NFASC: variants seen among roughly 807,000 people sequenced by gnomAD.
NFASC encodes the protein neurofascin, also known as neurofascin homolog.
A neutral mutation model predicts 147.5 loss-of-function variants in NFASC; 43 were observed. That is an observed-to-expected ratio of 0.29 (90% CI 0.23 to 0.38). The LOEUF (loss-of-function observed/expected upper bound fraction) is 0.38. NFASC is among the 10% of genes least tolerant of loss of function. NFASC has a pLI of 1.00. For missense variants in NFASC, 1,320 were observed against 1,689.0 expected, an observed-to-expected ratio of 0.78 and a Z score of 3.83; for synonymous variants, 622 against 665.5, an observed-to-expected ratio of 0.93 and a Z score of 1.01.
At chr1:204,944,459 G>A (rs995897282) in intron 3 of NFASC, 53 bp downstream of exon 3, 5 of 1,059,598 alleles carry the variant, frequency 4.7e-6, no homozygotes, top group African/African-American at 1.6e-5. Flanking sequence ...GGGCAGAGGG[G>A]TGGGAGGGGA....
chr1:204,872,736 A>G (rs2077958465), intron 1 of NFASC, among the ~76,000 whole-genome samples: 1 of 152,204 alleles, frequency 6.6e-6, no homozygotes, highest in South Asian at 2.1e-4. Context: ...CTCAGGGTGC[A>G]ACAGGAGGAA....
intron 1 of NFASC, among the ~76,000 whole-genome samples, chr1:204,835,440 G>A (rs1558473824): frequency 6.6e-6 from 1 of 151,962 alleles, no homozygotes; most frequent in African/African-American, 2.4e-5. Flanking sequence ...TGTTGGCCAG[G>A]CTGGTCTTGA....
At chr1:204,944,890 G>C (rs2093607314) in intron 3 of NFASC, 1 of 154,826 alleles carries the variant, frequency 6.5e-6, no homozygotes, top group Admixed American at 6.5e-5. Flanking sequence ...CCTGGGAAGG[G>C]CTGGGAGCAG....
chr1:204,850,579 T>C (rs1286883767), intron 1 of NFASC, among the ~76,000 whole-genome samples: 1 of 152,226 alleles, frequency 6.6e-6, no homozygotes, highest in Non-Finnish European at 1.5e-5. Flanking sequence ...GCTATTCTTG[T>C]GATAGTGAGT....
chr1:204,968,734 T>C lies in NFASC; in HGVS notation c.819-64T>C, dbSNP rs1282600822. On this transcript the variant is annotated intron_variant, in intron 9 of 29. Coordinates refer to ENST00000339876, the MANE Select transcript of NFASC (RefSeq NM_001005388.3). This position sits in a 1 kb window ranked among gnomAD's most constrained non-coding sequence, Gnocchi z 5.4. The stretch of plus-strand genomic sequence containing the variant: ...TTTAGGCCACCTGGGTGTCCCCAGC[T>C]GTATAGAAGAGGAGAAAGGCCACGT... 2 of 1,480,330 alleles carry C rather than the reference T, an allele frequency of 1.4e-6. No individual in the cohort carries two copies. Among genetic ancestry groups the C allele is most frequent in the African/African-American group, 1.4e-5 (1 of 71,582 alleles). The allele number at this position is 1,480,330 out of a possible 1,614,324, so 91.7% of individuals were successfully genotyped here.
chr1:204,919,222 A>G (rs1450474632), intron 1 of NFASC, among the ~76,000 whole-genome samples: 4 of 151,926 alleles, frequency 2.6e-5, no homozygotes, highest in Non-Finnish European at 5.9e-5. Context: ...ATGGGGTTTC[A>G]CTATGTTGCC....
At chr1:204,926,501 C>T (rs1271940255) in intron 2 of NFASC, among the ~76,000 whole-genome samples, 7 of 143,930 alleles carry the variant, frequency 4.9e-5, no homozygotes, top group African/African-American at 1.8e-4. Context: ...GCAGCCTCAA[C>T]TTCCTGGGCT....
At chr1:204,844,337 T>C (rs1676336275) in intron 1 of NFASC, among the ~76,000 whole-genome samples, 1 of 152,200 alleles carries the variant, frequency 6.6e-6, no homozygotes, top group South Asian at 2.1e-4. Flanking sequence ...GAAAGTTAGC[T>C]GTTGTATTCT....
intron 1 of NFASC, among the ~76,000 whole-genome samples, chr1:204,880,529 G>A (rs2079979697): frequency 6.6e-6 from 1 of 152,050 alleles, no homozygotes; most frequent in South Asian, 2.1e-4. Context: ...CTAATTTTTT[G>A]TATTTTTAGT....
intron 1 of NFASC, among the ~76,000 whole-genome samples, chr1:204,887,867 G>T (rs1269525557): frequency 1.3e-5 from 2 of 152,054 alleles, no homozygotes; most frequent in Non-Finnish European, 2.9e-5. Context: ...GAAAGTGCTG[G>T]GATTACAGGC....
intron 27 of NFASC, among the ~76,000 whole-genome samples, chr1:205,008,187 C>T (rs1376886768): frequency 7.9e-5 from 12 of 152,160 alleles, no homozygotes; most frequent in Admixed American, 7.9e-4. Flanking sequence ...GTACTGGGAA[C>T]TTTCTTGGTG....
intron 1 of NFASC, among the ~76,000 whole-genome samples, chr1:204,896,189 A>C (rs1289020385): frequency 6.6e-6 from 1 of 152,190 alleles, no homozygotes; most frequent in Non-Finnish European, 1.5e-5. Context: ...AAGCTGCCGC[A>C]AAATCAGTGG....
chr1:204,932,357 G>T (rs1212044580), intron 2 of NFASC, among the ~76,000 whole-genome samples: 1 of 152,074 alleles, frequency 6.6e-6, no homozygotes, highest in Non-Finnish European at 1.5e-5. Context: ...CAAGTAATTT[G>T]TAAAAGATAA....
intron 3 of NFASC, chr1:204,946,779 C>A: frequency 1.9e-6 from 1 of 514,558 alleles, no homozygotes. Context: ...CTTCCCGAGG[C>A]CCCCACCATC....
chr1:204,852,759 T>C (rs1408267208), intron 1 of NFASC, among the ~76,000 whole-genome samples: 1 of 152,206 alleles, frequency 6.6e-6, no homozygotes, highest in Non-Finnish European at 1.5e-5. Flanking sequence ...CAGGGCCTGG[T>C]CCTGGGACTC....
chr1:204,923,619 G>A (rs1373317385), intron 2 of NFASC, among the ~76,000 whole-genome samples: 1 of 152,118 alleles, frequency 6.6e-6, no homozygotes, highest in Non-Finnish European at 1.5e-5. Context: ...GACAGCATGG[G>A]CCCAGGACAC....
At chr1:204,831,226 C>T (rs1672151373) in intron 1 of NFASC, among the ~76,000 whole-genome samples, 1 of 151,906 alleles carries the variant, frequency 6.6e-6, no homozygotes, top group Admixed American at 6.6e-5. Flanking sequence ...CCCTCACCCC[C>T]TTGTTTGGCA....
At position 205,015,317 on chromosome 1, in the gene NFASC, T is replaced by A. The variant is rs1248610359; in HGVS notation, c.3492-991T>A. ...AGACTCCCACTGCTCAGACCCAGAC[T>A]CCCACTGCTCATCCTGAGCTGCCTC... On this transcript the variant is annotated intron_variant, in intron 29 of 29. Transcript: ENST00000339876. The surrounding 1 kb of genome is among the most constrained non-coding windows in gnomAD (Gnocchi z 4.0). Among the ~76,000 whole-genome samples the A allele has an allele frequency of 1.3e-5, 2 of 151,870 alleles. No homozygotes were observed. Among genetic ancestry groups the A allele is most frequent in the Non-Finnish European group, 2.9e-5 (2 of 67,960 alleles).
intron 8 of NFASC, among the ~76,000 whole-genome samples, chr1:204,964,423 G>T (rs143982870): frequency 2.4e-4 from 37 of 152,354 alleles, no homozygotes; most frequent in Admixed American, 2.4e-3. Flanking sequence ...GGGGCAAAAA[G>T]CAGGTGCAAT....
Sources: allele counts gnomAD v4.1 joint callset (sites outside exome capture counted in the v4.1 genomes callset), GRCh38; gene constraint gnomAD v4.1.1; non-coding constraint Gnocchi (gnomAD v3.1); transcripts MANE v1.5; gene names NCBI Gene and HGNC (gene_info 2026-07-23, HGNC 2026-07-21).